Variants in TSPEAR observed in about 807,000 individuals in gnomAD.
TSPEAR encodes thrombospondin type laminin G domain and EAR repeats, also known as thrombospondin-type laminin G domain and EAR repeat-containing protein.
In TSPEAR, 69 loss-of-function variants were observed where a neutral mutation model predicts 71.6. The observed-to-expected ratio is 0.96, with a 90% confidence interval of 0.79 to 1.18. The LOEUF is 1.18. Ranked by LOEUF, TSPEAR falls within the 50% of genes most tolerant of loss-of-function variation. The probability of loss-of-function intolerance (pLI) is 0.00; values close to 1 mark genes in which losing one functional copy is unlikely to be tolerated. For missense variants in TSPEAR, 971 were observed against 894.9 expected (o/e 1.09, Z -1.09); for synonymous variants, 402 against 387.2 (o/e 1.04, Z -0.45).
At position 44,498,684 on chromosome 21, in the gene TSPEAR, GT is replaced by G. The variant is rs1254703373; in HGVS notation, c.*1098del. On this transcript the variant is annotated 3_prime_UTR_variant, in exon 12 of 12. Coordinates refer to ENST00000323084, the MANE Select transcript of TSPEAR (RefSeq NM_144991.3). ...TTCTGATTGGCGGAAAAAGCACATT[GT>G]AAACTCTCTGAGGATCGCTCCTGTT... is the stretch of plus-strand genomic sequence containing the variant. 6.6e-6 allele frequency: 1 copy of G among 152,284 alleles called. No individual in the cohort carries two copies. The highest frequency in any genetic ancestry group is 2.4e-5 in the African/African-American group (1 of 41,474). The allele number at this position is 152,284 out of a possible 1,614,324, so 9.4% of individuals were successfully genotyped here.
At chr21:44,544,993 A>T (rs1216192809) in intron 2 of TSPEAR, among the ~76,000 whole-genome samples, 1 of 151,934 alleles carries the variant, frequency 6.6e-6, no homozygotes, top group African/African-American at 2.4e-5. Flanking sequence ...CTACAATAAG[A>T]GAGACATCAA....
At chr21:44,698,393 A>G (rs1987487629) in intron 1 of TSPEAR, among the ~76,000 whole-genome samples, 1 of 152,150 alleles carries the variant, frequency 6.6e-6, no homozygotes, top group Non-Finnish European at 1.5e-5. Flanking sequence ...GCCCTTCTCC[A>G]GGCCCCAACA....
At chr21:44,617,915 G>A (rs1982210582) in intron 1 of TSPEAR, among the ~76,000 whole-genome samples, 1 of 152,164 alleles carries the variant, frequency 6.6e-6, no homozygotes, top group African/African-American at 2.4e-5. Context: ...CTTCTAAGCT[G>A]GAGTGTTAGC....
At chr21:44,667,845 G>A (rs1480212717) in intron 1 of TSPEAR, among the ~76,000 whole-genome samples, 5 of 152,156 alleles carry the variant, frequency 3.3e-5, no homozygotes, top group Non-Finnish European at 7.3e-5. Context: ...TATAGAAAAG[G>A]CATTTCACAA....
intron 2 of TSPEAR, chr21:44,551,076 GGCTGGCAGCTAGACT>G (rs2053418193): frequency 6.4e-7 from 1 of 1,571,718 alleles, no homozygotes; most frequent in African/African-American, 1.4e-5. Flanking sequence ...ACAGCAAGCT[GGCTGGCAGCTAGACT>G]GCTGGCAGCA....
rs587702182 is a variant in TSPEAR at position 44,520,452 on chromosome 21, G to T, written c.1566+1431C>A. The T allele has an allele frequency of 1.3e-5, 2 of 152,264 alleles. No homozygotes were observed. Among genetic ancestry groups the T allele is most frequent in the East Asian group, 3.9e-4 (2 of 5,184 alleles). The allele number at this position is 152,264 out of a possible 1,614,324, so 9.4% of individuals were successfully genotyped here. On this transcript the variant is annotated intron_variant, in intron 9 of 11. Transcript: ENST00000323084. This position sits in a 1 kb window ranked among gnomAD's most constrained non-coding sequence, Gnocchi z 4.2. ...CTTCCCCACTGGACCATGAGTGCCC[G>T]AAGGGTGGGGCGGTGGTCACCTGGA...
chr21:44,558,661 C>A (rs781870300), intron 2 of TSPEAR: 22 of 1,613,178 alleles, frequency 1.4e-5, no homozygotes, highest in Admixed American at 3.3e-5. Flanking sequence ...CAGGCGTCCA[C>A]CTGCCAGGAG....
At position 44,686,948 on chromosome 21, in the gene TSPEAR, C is replaced by T. The variant is rs75120626; in HGVS notation, c.82+24485G>A. 6.2e-3 allele frequency among the ~76,000 whole-genome samples: 939 copies of T among 152,328 alleles called. 17 individuals are homozygous for T. Among genetic ancestry groups the T allele is most frequent in the African/African-American group, 0.021 (886 of 41,580 alleles). ...CCTTGGTCACTGCTCAGAGGTGGAG[C>T]TTGACCCTGGGATGTCGGGAAGACG... On this transcript the variant is annotated intron_variant, in intron 1 of 11. Transcript: ENST00000323084.
intron 1 of TSPEAR, chr21:44,681,554 A>G: frequency 2.2e-6 from 1 of 453,042 alleles, no homozygotes; most frequent in Non-Finnish European, 3.9e-6. Flanking sequence ...AGAAATAAAA[A>G]AGAGAGACAA....
At position 44,508,947 on chromosome 21, in the gene TSPEAR, G is replaced by C. The variant is rs1555912248; in HGVS notation, c.1754+252C>G. ...GAAAGGAGGTAATGGGTGTGAAGGG[G>C]CAGAACTCCGCACACAGCACCCGGC... On this transcript the variant is annotated intron_variant, in intron 10 of 11. Transcript: ENST00000323084. 7 of 1,532,442 alleles carry C rather than the reference G, an allele frequency of 4.6e-6. No individual in the cohort carries two copies. In the South Asian group the frequency reaches 8.2e-5, roughly 18 times the overall value. The allele number at this position is 1,532,442 out of a possible 1,614,324, so 94.9% of individuals were successfully genotyped here.
intron 9 of TSPEAR, chr21:44,516,557 C>G (rs1275672157): frequency 1.3e-5 from 2 of 152,404 alleles, no homozygotes. Context: ...CCAACACCCG[C>G]GCCCAGGGTG....
intron 10 of TSPEAR, among the ~76,000 whole-genome samples, chr21:44,505,484 G>A (rs1236858837): frequency 6.8e-6 from 1 of 148,054 alleles, no homozygotes. Context: ...CTGCTGTGTG[G>A]CCGCCCCCAC....
chr21:44,623,493 A>G lies in TSPEAR; in HGVS notation c.83-55488T>C, dbSNP rs942414909. Reference sequence around the variant, plus strand: ...TCTTATACAGTAAATATTCATTTAGATTTCCCCATGTTGTCCTCCTTTTGT... The same window carrying G: ...TCTTATACAGTAAATATTCATTTAGGTTTCCCCATGTTGTCCTCCTTTTGT... On this transcript the variant is annotated intron_variant, in intron 1 of 11. Transcript: ENST00000323084. The surrounding 1 kb of genome is among the most constrained non-coding windows in gnomAD (Gnocchi z 4.5). Among the ~76,000 whole-genome samples, 4 of 152,194 alleles carry G rather than the reference A, an allele frequency of 2.6e-5. No homozygotes were observed. Among genetic ancestry groups the G allele is most frequent in the Admixed American group, 2.6e-4 (4 of 15,290 alleles).
At chr21:44,675,235 G>C (rs1359564457) in intron 1 of TSPEAR, among the ~76,000 whole-genome samples, 7 of 152,154 alleles carry the variant, frequency 4.6e-5, no homozygotes, top group African/African-American at 1.4e-4. Flanking sequence ...CCATGATCAA[G>C]TGGAAATTAT....
At position 44,702,322 on chromosome 21, in the gene TSPEAR, C is replaced by G. The variant is rs1987690603; in HGVS notation, c.82+9111G>C. ...CAGCTGCTGTGCCCCGGCCCCCTGC[C>G]TGACCCTGGTCTGCACCCCAGTGAG... On this transcript the variant is annotated intron_variant, in intron 1 of 11. Transcript: ENST00000323084. 5 of 1,609,948 alleles carry G rather than the reference C, an allele frequency of 3.1e-6. No homozygotes were observed. In the South Asian group the frequency reaches 3.3e-5, roughly 11 times the overall value.
chr21:44,532,789 A>G (rs2052998896), intron 3 of TSPEAR, among the ~76,000 whole-genome samples: 1 of 152,256 alleles, frequency 6.6e-6, no homozygotes, highest in African/African-American at 2.4e-5. Context: ...TCAGGCCACA[A>G]ACCAGGCGAC....
Position 44,527,369 on chromosome 21 carries a change from CG to C in TSPEAR, c.1071del (p.Glu358LysfsTer54), listed in dbSNP as rs782416183. On this transcript the variant is annotated frameshift_variant, in exon 7 of 12. Transcript: ENST00000323084. LOFTEE classifies it high-confidence loss of function. ...TTCTGATATGAGACGAACTTCTCTT[CG>C]GTCCACTTGTAGACGGCGGATGTGG... The part of the protein sequence containing the change: ...RKATSAVYKW[T>X]EEKFVSYQNI... 9.9e-6 allele frequency: 16 copies of C among 1,614,072 alleles called. No homozygotes were observed. Among genetic ancestry groups the C allele is most frequent in the Non-Finnish European group, 1.3e-5 (15 of 1,180,044 alleles).
chr21:44,639,339 C>A (rs1050032571), intron 1 of TSPEAR, among the ~76,000 whole-genome samples: 1 of 152,330 alleles, frequency 6.6e-6, no homozygotes, highest in African/African-American at 2.4e-5. Context: ...AGCGCACGTC[C>A]GGCTCCAGCA....
rs1489485860 is a variant in TSPEAR at position 44,665,971 on chromosome 21, C to T, written c.82+45462G>A. The stretch of plus-strand genomic sequence containing the variant: ...GGAAGCGAGACCACTCTACCACAGG[C>T]GGGTAAGTCACTTCTGTGGCCACTG... On this transcript the variant is annotated intron_variant, in intron 1 of 11. Transcript: ENST00000323084. Among the ~76,000 whole-genome samples, 3 of 152,144 alleles carry T rather than the reference C, an allele frequency of 2.0e-5. No individual in the cohort carries two copies. In the East Asian group the frequency reaches 5.8e-4, roughly 29 times the overall value.
Sources: gnomAD v4.1 joint callset for allele counts (sites outside exome capture counted in the v4.1 genomes callset) on GRCh38, gnomAD v4.1.1 for gene constraint, Gnocchi (gnomAD v3.1) non-coding constraint, MANE v1.5 for transcripts, NCBI Gene and HGNC (gene_info 2026-07-23, HGNC 2026-07-21) for gene names.